The following HMGN5 variants were observed in gnomAD, a reference collection of about 807,000 sequenced individuals.
HMGN5 encodes high mobility group nucleosome binding domain 5.
In HMGN5, 4 loss-of-function variants were observed where a neutral mutation model predicts 9.5. That is an observed-to-expected ratio of 0.42 (90% confidence interval 0.21 to 0.96). HMGN5 has a LOEUF of 0.96. HMGN5 is among the 40% of genes least tolerant of loss of function. The probability of loss-of-function intolerance (pLI) is 0.30; values close to 1 mark genes in which losing one functional copy is unlikely to be tolerated. For synonymous variants in HMGN5, 55 were observed against 57.1 expected (o/e 0.96, Z 0.16); for missense variants, 192 against 187.5 (o/e 1.02, Z -0.14).
In HMGN5 at chrX:81,118,387, A is replaced by G. The variant is rs1475651552; in HGVS notation, c.129+45T>C. The G allele has an allele frequency of 6.7e-6, 6 of 888,889 alleles. No homozygotes were observed. The Admixed American group carries it at 9.4e-5, about 14-fold the overall frequency. 73.3% of individuals were successfully genotyped at this position (888,889 alleles called of 1,213,427 possible). On this transcript the variant is annotated intron_variant, in intron 5 of 6. Transcript: ENST00000358130. ...TATGCCATTTCAAAAATTATTTTTG[A>G]AAAAAAAAGCAAATTTATTTCAATA...
At chrX:81,179,649 T>C (rs1237306263) in intron 1 of HMGN5, among the ~76,000 whole-genome samples, 3 of 111,786 alleles carry the variant, frequency 2.7e-5, no homozygotes, top group Non-Finnish European at 1.9e-5. Context: ...ATAGATTCAA[T>C]GCCATCCCCA....
At chrX:81,190,266 T>G (rs1189146228) in intron 1 of HMGN5, among the ~76,000 whole-genome samples, 1 of 112,059 alleles carries the variant, frequency 8.9e-6, no homozygotes, top group Non-Finnish European at 1.9e-5. Flanking sequence ...CAGTGTCTTC[T>G]GCAGAGCTGA....
At chrX:81,175,335 A>C (rs1215634680) in intron 1 of HMGN5, among the ~76,000 whole-genome samples, 1 of 102,727 alleles carries the variant, frequency 9.7e-6, no homozygotes, top group Non-Finnish European at 2.0e-5. Flanking sequence ...AACACAGAAC[A>C]ATTCTATTTG....
chrX:81,127,837 G>A (rs1342780824), intron 1 of HMGN5, among the ~76,000 whole-genome samples: 1 of 111,349 alleles, frequency 9.0e-6, no homozygotes, highest in African/African-American at 3.3e-5. Flanking sequence ...TGGGGAATTG[G>A]CAATCTTTGC....
intron 1 of HMGN5, among the ~76,000 whole-genome samples, chrX:81,135,024 T>TAAGGAC (rs914365357): frequency 1.8e-5 from 2 of 111,522 alleles, no homozygotes; most frequent in African/African-American, 6.5e-5. Context: ...AAAACTCTTA[T>TAAGGAC]AATAAAACAT....
chrX:81,127,688 G>A (rs1000719845), intron 1 of HMGN5, among the ~76,000 whole-genome samples: 7 of 110,799 alleles, frequency 6.3e-5, no homozygotes, highest in African/African-American at 2.0e-4. Context: ...GAAACACATG[G>A]GCCATCAACT....
intron 1 of HMGN5, among the ~76,000 whole-genome samples, chrX:81,177,086 C>T (rs1376087996): frequency 3.6e-5 from 4 of 109,705 alleles, no homozygotes; most frequent in African/African-American, 6.6e-5. Flanking sequence ...AGACTAACAG[C>T]GGATCTCTCA....
chrX:81,153,356 C>G (rs1307905364), intron 1 of HMGN5, among the ~76,000 whole-genome samples: 21 of 103,099 alleles, frequency 2.0e-4, no homozygotes, highest in African/African-American at 7.4e-4. Context: ...AGTTCAAGAC[C>G]AGCCTGGCCA....
chrX:81,118,138 C>T (rs1426589647), intron 5 of HMGN5, among the ~76,000 whole-genome samples: 1 of 109,476 alleles, frequency 9.1e-6, no homozygotes. Flanking sequence ...TTTTGTTTTC[C>T]CAGGGAAACA....
At chrX:81,145,517 G>T (rs2075341144) in intron 1 of HMGN5, among the ~76,000 whole-genome samples, 1 of 111,976 alleles carries the variant, frequency 8.9e-6, no homozygotes, top group Admixed American at 9.5e-5. Flanking sequence ...AACATGGAAA[G>T]GAACAACGAG....
intron 1 of HMGN5, among the ~76,000 whole-genome samples, chrX:81,173,566 A>C (rs1602577517): frequency 8.9e-6 from 1 of 112,087 alleles, no homozygotes; most frequent in Non-Finnish European, 1.9e-5. Flanking sequence ...TTAGCTCCTC[A>C]GCAAATCTTT....
intron 3 of HMGN5, 36 bp from the exon 4 acceptor site, chrX:81,118,795 A>T (rs1236289021): frequency 1.0e-6 from 1 of 1,004,088 alleles, no homozygotes; most frequent in Non-Finnish European, 1.4e-6. Context: ...TAAGAGAATT[A>T]TGGATACAAA....
intron 1 of HMGN5, among the ~76,000 whole-genome samples, chrX:81,159,179 A>G (rs1480087310): frequency 1.8e-5 from 2 of 111,406 alleles, no homozygotes; most frequent in Admixed American, 9.6e-5. Flanking sequence ...TGTGAGCTGA[A>G]CAATGGAAAC....
intron 3 of HMGN5, among the ~76,000 whole-genome samples, chrX:81,119,214 T>C (rs1175577676): frequency 9.0e-6 from 1 of 111,600 alleles, no homozygotes; most frequent in Admixed American, 9.6e-5. Flanking sequence ...TAGATTAAAA[T>C]TAATAATATG....
chrX:81,137,722 C>T (rs981576725), intron 1 of HMGN5, among the ~76,000 whole-genome samples: 2 of 110,968 alleles, frequency 1.8e-5, no homozygotes, highest in Non-Finnish European at 3.8e-5. Flanking sequence ...TCAATGAAGT[C>T]GAAAACAGAA....
intron 1 of HMGN5, among the ~76,000 whole-genome samples, chrX:81,179,208 C>G (rs1405480960): frequency 1.8e-5 from 2 of 111,579 alleles, no homozygotes; most frequent in Non-Finnish European, 3.8e-5. Flanking sequence ...ACAGGGCAAT[C>G]AGGCAAGAGA....
At chrX:81,157,111 T>C (rs2075385054) in intron 1 of HMGN5, among the ~76,000 whole-genome samples, 1 of 111,655 alleles carries the variant, frequency 9.0e-6, no homozygotes, top group Non-Finnish European at 1.9e-5. Flanking sequence ...CTGGGTCTGC[T>C]GGACCATTAT....
At chrX:81,153,721 G>A (rs1218271887) in intron 1 of HMGN5, among the ~76,000 whole-genome samples, 4 of 92,912 alleles carry the variant, frequency 4.3e-5, no homozygotes, top group African/African-American at 8.0e-5. Flanking sequence ...CAGAAAAGTT[G>A]CAGGATACAA....
intron 1 of HMGN5, among the ~76,000 whole-genome samples, chrX:81,199,761 A>C (rs2075519840): frequency 8.9e-6 from 1 of 112,368 alleles, no homozygotes; most frequent in African/African-American, 3.2e-5. Flanking sequence ...GTAAGACCTA[A>C]CACCATAAAA....
Sources: allele counts gnomAD v4.1 joint callset (sites outside exome capture counted in the v4.1 genomes callset), GRCh38; gene constraint gnomAD v4.1.1; transcripts MANE v1.5; gene names NCBI Gene and HGNC (gene_info 2026-07-23, HGNC 2026-07-21).